The following PCLO variants were observed in gnomAD, a reference collection of about 807,000 sequenced individuals.
The protein encoded by PCLO is piccolo presynaptic cytomatrix protein, also known as protein piccolo.
Under a neutral mutation model 427.5 loss-of-function variants are expected in PCLO, and 82 were observed. The observed-to-expected ratio is 0.19, with a 90% CI of 0.16 to 0.23. The LOEUF is 0.23. PCLO is among the 10% of genes least tolerant of loss of function. PCLO has a pLI of 1.00. For synonymous variants in PCLO, 2,357 were observed against 2,155.4 expected, an observed-to-expected ratio of 1.09 and a Z score of -2.59; for missense variants, 6,239 against 6,115.9, an observed-to-expected ratio of 1.02 and a Z score of -0.67.
chr7:82,972,893 C>A (rs374510286), intron 3 of PCLO, among the ~76,000 whole-genome samples: 2 of 152,026 alleles, frequency 1.3e-5, no homozygotes, highest in Admixed American at 6.6e-5. Context: ...GACAAATACA[C>A]CAATTGGGGA....
intron 3 of PCLO, among the ~76,000 whole-genome samples, chr7:83,054,016 T>C (rs976276953): frequency 2.6e-5 from 4 of 151,968 alleles, no homozygotes; most frequent in African/African-American, 4.8e-5. Flanking sequence ...CTTGCAGCCA[T>C]TGCTTGTACT....
At chr7:82,963,300 A>G (rs561607402) in intron 4 of PCLO, among the ~76,000 whole-genome samples, 16 of 152,238 alleles carry the variant, frequency 1.1e-4, no homozygotes, top group Admixed American at 6.5e-5. Context: ...AGACAAAGAA[A>G]TGCAATGGGT....
chr7:82,784,940 A>T (rs1266149974), intron 22 of PCLO, among the ~76,000 whole-genome samples: 1 of 152,170 alleles, frequency 6.6e-6, no homozygotes, highest in East Asian at 1.9e-4. Context: ...CTAGTTATGG[A>T]GAAATAAATA....
chr7:82,932,595 G>A (rs1794864887), intron 6 of PCLO, among the ~76,000 whole-genome samples: 1 of 152,072 alleles, frequency 6.6e-6, no homozygotes, highest in African/African-American at 2.4e-5. Flanking sequence ...TGAAGGAGAA[G>A]TAATAATTAT....
At chr7:83,105,595 T>C (rs1193946871) in intron 3 of PCLO, among the ~76,000 whole-genome samples, 1 of 152,162 alleles carries the variant, frequency 6.6e-6, no homozygotes, top group Non-Finnish European at 1.5e-5. Flanking sequence ...TACAGTGAAC[T>C]TGGAGGGACA....
At chr7:82,945,905 A>T (rs367922517) in intron 6 of PCLO, among the ~76,000 whole-genome samples, 1 of 152,242 alleles carries the variant, frequency 6.6e-6, no homozygotes, top group African/African-American at 2.4e-5. Flanking sequence ...TGAATTAAGA[A>T]TAAATAATTA....
intron 22 of PCLO, among the ~76,000 whole-genome samples, chr7:82,779,566 C>T (rs1015593846): frequency 8.5e-5 from 13 of 152,054 alleles, no homozygotes; most frequent in East Asian, 1.9e-4. Context: ...ACATCCTTAA[C>T]GAAAGCTTTT....
chr7:82,811,160 T>G (rs1166043072), intron 20 of PCLO, among the ~76,000 whole-genome samples: 1 of 151,706 alleles, frequency 6.6e-6, no homozygotes. Context: ...CTCTAAAATT[T>G]TAAGATTAAC....
intron 4 of PCLO, among the ~76,000 whole-genome samples, chr7:82,963,790 T>C (rs1381161894): frequency 6.6e-6 from 1 of 152,138 alleles, no homozygotes; most frequent in Non-Finnish European, 1.5e-5. Flanking sequence ...GTCACTGAGT[T>C]ATTCTCTATT....
At chr7:83,050,925 A>G (rs1366808981) in intron 3 of PCLO, among the ~76,000 whole-genome samples, 3 of 152,078 alleles carry the variant, frequency 2.0e-5, no homozygotes, top group Non-Finnish European at 4.4e-5. Flanking sequence ...CTCCAAAAAA[A>G]AATTAATGTA....
intron 22 of PCLO, among the ~76,000 whole-genome samples, chr7:82,793,253 T>C (rs981283386): frequency 1.3e-5 from 2 of 152,134 alleles, no homozygotes; most frequent in Non-Finnish European, 1.5e-5. Flanking sequence ...AGTCACATTC[T>C]ATGCCAGTGC....
Position 83,134,242 on chromosome 7 carries a change from T to TATATA in PCLO, c.3300+7_3300+8insTATAT. 1 of 1,065,442 alleles carries TATATA rather than the reference T, an allele frequency of 9.4e-7. No homozygotes were observed. The highest frequency in any genetic ancestry group is 1.3e-6 in the Non-Finnish European group (1 of 759,048). The allele number at this position is 1,065,442 out of a possible 1,614,324, so 66.0% of individuals were successfully genotyped here. A position where few individuals can be genotyped will look rare whatever the true frequency, so the allele number is the denominator to read the frequency against. Reference sequence around the variant, plus strand: ...TAATATATATATATATATATATATATAACTTACCTCAGTCAAATGTGGTGT... The same window carrying TATATA: ...TAATATATATATATATATATATATATATATAAACTTACCTCAGTCAAATGTGGTGT... On this transcript the variant is annotated splice_region_variant and intron_variant, in intron 3 of 24. Transcript: ENST00000333891.
chr7:82,883,169 T>C (rs1793550260), intron 9 of PCLO, among the ~76,000 whole-genome samples: 2 of 152,048 alleles, frequency 1.3e-5, no homozygotes, highest in Admixed American at 1.3e-4. Flanking sequence ...ATATATTGCG[T>C]AGTTCAGTCA....
intron 3 of PCLO, among the ~76,000 whole-genome samples, chr7:82,980,362 C>T (rs1231468836): frequency 1.3e-5 from 2 of 152,088 alleles, no homozygotes; most frequent in African/African-American, 2.4e-5. Flanking sequence ...CTGAAGCTCC[C>T]GGAACATATG....
At chr7:83,098,597 A>C (rs1279347769) in intron 3 of PCLO, among the ~76,000 whole-genome samples, 1 of 152,030 alleles carries the variant, frequency 6.6e-6, no homozygotes, top group Non-Finnish European at 1.5e-5. Context: ...CACCAGTTAC[A>C]TTAAATAGTC....
At chr7:83,144,615 T>C (rs151243633) in intron 2 of PCLO, among the ~76,000 whole-genome samples, 1,981 of 152,288 alleles carry the variant, frequency 0.013, 25 homozygotes, top group Non-Finnish European at 0.017. Flanking sequence ...ATTTTAAAAT[T>C]ATGATTAATC....
chr7:82,908,833 CT>C, intron 8 of PCLO, 43 bp downstream of exon 8: 1 of 1,552,652 alleles, frequency 6.4e-7, no homozygotes, highest in Non-Finnish European at 8.8e-7. Context: ...AGACTTGAGT[CT>C]TTTTTGATAA....
chr7:82,894,405 G>A lies in PCLO; in HGVS notation c.13528+8246C>T, dbSNP rs191260694. The A allele has an allele frequency of 2.1e-3, 324 of 154,598 alleles. 4 individuals carry two copies. The highest frequency in any genetic ancestry group is 7.8e-4 in the Admixed American group (12 of 15,288). The allele number at this position is 154,598 out of a possible 1,614,324, so 9.6% of individuals were successfully genotyped here. A position where few individuals can be genotyped will look rare whatever the true frequency, so the allele number is the denominator to read the frequency against. On this transcript the variant is annotated intron_variant, in intron 9 of 24. Transcript: ENST00000333891. ...GTTTATAATGGACTTACAGTTCCAC[G>A]TGGCTGGGAAAGCCTCACAATCATG...
chr7:82,989,345 T>C (rs1401051101), intron 3 of PCLO, among the ~76,000 whole-genome samples: 1 of 152,150 alleles, frequency 6.6e-6, no homozygotes, highest in African/African-American at 2.4e-5. Flanking sequence ...AGAAAGGTTC[T>C]ACCATTTTAT....
Sources: gnomAD v4.1 joint callset for allele counts (sites outside exome capture counted in the v4.1 genomes callset) on GRCh38, gnomAD v4.1.1 for gene constraint, MANE v1.5 for transcripts, NCBI Gene and HGNC (gene_info 2026-07-23, HGNC 2026-07-21) for gene names.